Variants in DICER1 observed in about 807,000 individuals in gnomAD.
DICER1 encodes the protein endoribonuclease Dicer.
A neutral mutation model predicts 194.1 loss-of-function variants in DICER1; 43 were observed. The ratio of observed to expected loss-of-function variants is 0.22; its 90% CI spans 0.17 to 0.29. The LOEUF (loss-of-function observed/expected upper bound fraction) is 0.29. DICER1 is among the 10% of genes least tolerant of loss of function. DICER1 has a pLI of 1.00. For synonymous variants in DICER1, 832 were observed against 820.5 expected, an observed-to-expected ratio of 1.01 and a Z score of -0.24; for missense variants, 1,608 against 2,317.0, an observed-to-expected ratio of 0.69 and a Z score of 6.28.
At chr14:95,111,077 A>G in intron 14 of DICER1, among the ~76,000 whole-genome samples, 1 of 152,230 alleles carries the variant, frequency 6.6e-6, no homozygotes, top group East Asian at 1.9e-4. Flanking sequence ...AGATGGGTCC[A>G]AGAATCCTTT....
At chr14:95,104,251 A>C in intron 20 of DICER1, 125 bp from the exon 21 acceptor site, 1 of 811,098 alleles carries the variant, frequency 1.2e-6, no homozygotes, top group East Asian at 2.7e-5. Flanking sequence ...TTTAGAATAG[A>C]AGCAAGTTTC....
intron 1 of DICER1, among the ~76,000 whole-genome samples, chr14:95,151,203 T>TA (rs1895490438): frequency 1.3e-5 from 2 of 152,232 alleles, no homozygotes; most frequent in South Asian, 4.1e-4. Context: ...AAGGCACTGT[T>TA]ACATTTGGTA....
In DICER1 at chr14:95,093,779, AC is replaced by A. The variant is rs929107653; in HGVS notation, c.5364+108del. On this transcript the variant is annotated intron_variant, in intron 24 of 26. Transcript: ENST00000343455. ...CAGAACACAGCACACTGGGTCCCAC[AC>A]CCCTGACCTCCTGCTGTCCCTTTAG... 17 of 1,218,322 alleles carry A rather than the reference AC, an allele frequency of 1.4e-5. No individual in the cohort carries two copies. In the African/African-American group the frequency reaches 2.2e-4, roughly 16 times the overall value. 75.5% of individuals were successfully genotyped at this position (1,218,322 alleles called of 1,614,324 possible). A position where few individuals can be genotyped will look rare whatever the true frequency, so the allele number is the denominator to read the frequency against.
In DICER1 at chr14:95,105,650, AG is replaced by A; in HGVS notation, c.3093+27del. 7.0e-7 allele frequency: 1 copy of A among 1,431,246 alleles called. No homozygotes were observed. Among genetic ancestry groups the A allele is most frequent in the Non-Finnish European group, 9.9e-7 (1 of 1,013,664 alleles). The allele number at this position is 1,431,246 out of a possible 1,614,324, so 88.7% of individuals were successfully genotyped here. A position where few individuals can be genotyped will look rare whatever the true frequency, so the allele number is the denominator to read the frequency against. On this transcript the variant is annotated intron_variant, in intron 19 of 26. Coordinates refer to ENST00000343455, the MANE Select transcript of DICER1 (RefSeq NM_177438.3). This position sits in a 1 kb window ranked among gnomAD's most constrained non-coding sequence, Gnocchi z 4.9. ...ATCTTTAATACTCAAACAAATACTAAGTTATGCTAGTACAATTAACTCATTA... is the reference window on the plus strand; with the variant it reads ...ATCTTTAATACTCAAACAAATACTAATTATGCTAGTACAATTAACTCATTA...
chr14:95,156,390 T>G (rs1177626715), intron 1 of DICER1, among the ~76,000 whole-genome samples: 1 of 152,184 alleles, frequency 6.6e-6, no homozygotes, highest in Non-Finnish European at 1.5e-5. Context: ...CACAACTCTC[T>G]CCACAAAAGC....
chr14:95,103,497 G>T lies in DICER1; in HGVS notation c.3899C>A (p.Ala1300Asp), dbSNP rs774248214. ...ATCACTAGCGTTTGACAGAGTCAAA[G>T]CCTGAAGAATAAGTCCAGGATTGGG... is the stretch of plus-strand genomic sequence containing the variant. Reference protein sequence around the residue: ...LGPNPGLILQALTLSNASDGF... With the variant: ...LGPNPGLILQDLTLSNASDGF... Residue 1300 changes from alanine to aspartate, a missense_variant, in exon 21 of 27, where the codon GCT becomes GAT. Coordinates refer to ENST00000343455, the MANE Select transcript of DICER1 (RefSeq NM_177438.3). 6.2e-7 allele frequency: 1 copy of T among 1,614,176 alleles called. No homozygotes were observed. Among genetic ancestry groups the T allele is most frequent in the Non-Finnish European group, 8.5e-7 (1 of 1,180,034 alleles).
At chr14:95,110,233 T>C (rs1891833104) in intron 14 of DICER1, among the ~76,000 whole-genome samples, 1 of 152,110 alleles carries the variant, frequency 6.6e-6, no homozygotes, top group South Asian at 2.1e-4. Flanking sequence ...GAAAGATGAA[T>C]AAAAACAAGG....
At position 95,094,178 on chromosome 14, in the gene DICER1, C is replaced by A. The variant is rs144041295; in HGVS notation, c.5096-22G>T. The A allele has an allele frequency of 6.4e-5, 103 of 1,613,786 alleles. 1 individual carries two copies. The African/African-American group carries it at 1.0e-3, about 16-fold the overall frequency. ...CAATCTGAGGGGATCCGAAGTGGAA[C>A]CGTAAGCTTGTGCAGAAGCATTTAC... On this transcript the variant is annotated intron_variant, in intron 23 of 26. Coordinates refer to ENST00000343455, the MANE Select transcript of DICER1 (RefSeq NM_177438.3).
chr14:95,125,695 G>A (rs1459724907), intron 7 of DICER1, among the ~76,000 whole-genome samples: 1 of 44,224 alleles, frequency 2.3e-5, no homozygotes, highest in Non-Finnish European at 4.5e-5. Context: ...GGAGGGGGAG[G>A]AGGGAGGGGA....
chr14:95,139,783 G>C (rs1429148501), intron 1 of DICER1, among the ~76,000 whole-genome samples: 1 of 152,236 alleles, frequency 6.6e-6, no homozygotes, highest in African/African-American at 2.4e-5. Context: ...GTGCAGGAGA[G>C]AGGATGTACA....
chr14:95,100,441 G>A (rs923063063), intron 21 of DICER1, among the ~76,000 whole-genome samples: 3 of 152,118 alleles, frequency 2.0e-5, no homozygotes, highest in Non-Finnish European at 1.5e-5. Flanking sequence ...TAGAATCGAA[G>A]CCACAAACGG....
At chr14:95,100,786 A>AC (rs1368603810) in intron 21 of DICER1, among the ~76,000 whole-genome samples, 6 of 151,928 alleles carry the variant, frequency 3.9e-5, no homozygotes, top group Non-Finnish European at 8.8e-5. Flanking sequence ...TTTAATAGAC[A>AC]CCCCCCATAT....
intron 21 of DICER1, among the ~76,000 whole-genome samples, chr14:95,102,528 T>C (rs1226190438): frequency 5.9e-5 from 9 of 152,196 alleles, no homozygotes; most frequent in Non-Finnish European, 1.2e-4. Context: ...GCTGACATGC[T>C]CTGCCATCTG....
In DICER1 at chr14:95,095,859, A is replaced by C. The variant is rs1890260374; in HGVS notation, c.5061T>G (p.Phe1687Leu). The change falls in exon 23 of 27, where the codon TTT becomes TTG. Residue 1687 changes from phenylalanine to leucine, a missense_variant. Transcript: ENST00000343455. ...TATTGTAGTGGTAGGAGGCATGTGT[A>C]AAAGCCTGGAGAAGGTAAGCCTTAT... ...FKNKAYLLQA[F>L]THASYHYNTI... The C allele has an allele frequency of 6.2e-7, 1 of 1,614,206 alleles. No homozygotes were observed. The highest frequency in any genetic ancestry group is 8.5e-7 in the Non-Finnish European group (1 of 1,180,014).
rs1889471314 is a variant in DICER1, at chr14:95,087,934, C to G, written c.*2564G>C. On this transcript the variant is annotated 3_prime_UTR_variant, in exon 27 of 27. Transcript: ENST00000343455. ...GCAACATAGAGTGATTTTTTTTTTC[C>G]TTAATTGACAGATGCAAAACATTTC... The G allele has an allele frequency of 4.3e-6, 1 of 232,504 alleles. No individual in the cohort carries two copies. Among genetic ancestry groups the G allele is most frequent in the Non-Finnish European group, 8.5e-6 (1 of 117,808 alleles). The allele number at this position is 232,504 out of a possible 1,614,324, so 14.4% of individuals were successfully genotyped here.
At chr14:95,112,089 G>C (rs556685545) in intron 13 of DICER1, 83 bp downstream of exon 13, 7 of 1,186,476 alleles carry the variant, frequency 5.9e-6, no homozygotes, top group Non-Finnish European at 8.8e-6. Context: ...AATCCTTACA[G>C]ATCTATAAAG....
Position 95,099,933 on chromosome 14 carries a change from G to T in DICER1, c.4053C>A (p.Val1351=). The T allele has an allele frequency of 6.2e-7, 1 of 1,613,934 alleles. No individual in the cohort carries two copies. The highest frequency in any genetic ancestry group is 1.1e-5 in the South Asian group (1 of 91,072). Residue 1351 remains valine, a splice_region_variant and synonymous_variant, in exon 22 of 27, where the codon GTC becomes GTA. Coordinates refer to ENST00000343455, the MANE Select transcript of DICER1 (RefSeq NM_177438.3). ...CAAGGCGATACAGATTACAGTTGCTGACCTTTAGCAGAAAATATTAGGATA... is the reference window on the plus strand; with the variant it reads ...CAAGGCGATACAGATTACAGTTGCTTACCTTTAGCAGAAAATATTAGGATA... ...GRLSYMRSKK[V]SNCNLYRLGK...
chr14:95,149,378 TG>T (rs1220942472), intron 1 of DICER1, among the ~76,000 whole-genome samples: 1 of 152,154 alleles, frequency 6.6e-6, no homozygotes, highest in Non-Finnish European at 1.5e-5. Context: ...CAACATCTCA[TG>T]TTATCTGCCT....
At chr14:95,137,178 GGAAGGA>G (rs1894442011) in intron 1 of DICER1, among the ~76,000 whole-genome samples, 1 of 149,846 alleles carries the variant, frequency 6.7e-6, no homozygotes, top group Non-Finnish European at 1.5e-5. Context: ...AAGGAAAAGG[GGAAGGA>G]GAAGGAAAAG....
Sources: allele counts gnomAD v4.1 joint callset (sites outside exome capture counted in the v4.1 genomes callset), GRCh38; gene constraint gnomAD v4.1.1; non-coding constraint Gnocchi (gnomAD v3.1); transcripts MANE v1.5; gene names NCBI Gene and HGNC (gene_info 2026-07-23, HGNC 2026-07-21).